Variants in GBE1 observed in about 807,000 individuals in gnomAD.
The protein encoded by GBE1 is 1,4-alpha-glucan-branching enzyme.
A neutral mutation model predicts 88.8 loss-of-function variants in GBE1; 70 were observed. The ratio of observed to expected loss-of-function variants is 0.79; its 90% CI spans 0.65 to 0.96. The LOEUF (loss-of-function observed/expected upper bound fraction) is 0.96. GBE1 is among the 40% of genes least tolerant of loss of function. The probability of loss-of-function intolerance (pLI) is 0.00; values close to 1 mark genes in which losing one functional copy is unlikely to be tolerated. For synonymous variants in GBE1, 284 were observed against 300.1 expected (o/e 0.95, Z 0.56); for missense variants, 872 against 871.0 (o/e 1.00, Z -0.01).
chr3:81,659,335 T>C (rs1704989436), intron 3 of GBE1, among the ~76,000 whole-genome samples: 2 of 151,784 alleles, frequency 1.3e-5, no homozygotes, highest in South Asian at 2.1e-4. Context: ...ATTCTTTTTT[T>C]ATTTTTTTTT....
At chr3:81,630,703 T>C (rs530194644) in intron 7 of GBE1, among the ~76,000 whole-genome samples, 2 of 152,234 alleles carry the variant, frequency 1.3e-5, no homozygotes, top group African/African-American at 4.8e-5. Flanking sequence ...CACACCAAAT[T>C]TCCAAAACGT....
chr3:81,653,654 T>C (rs935570766), intron 3 of GBE1, among the ~76,000 whole-genome samples: 3 of 152,198 alleles, frequency 2.0e-5, no homozygotes, highest in South Asian at 2.1e-4. Flanking sequence ...CTGAATAATG[T>C]ATAGTTGTTA....
At chr3:81,682,986 T>A (rs915859681) in intron 2 of GBE1, among the ~76,000 whole-genome samples, 3 of 152,046 alleles carry the variant, frequency 2.0e-5, no homozygotes, top group African/African-American at 7.2e-5. Context: ...AAGAATCACA[T>A]CACAAAAAAA....
chr3:81,609,601 T>C (rs978201012), intron 7 of GBE1, among the ~76,000 whole-genome samples: 1 of 152,188 alleles, frequency 6.6e-6, no homozygotes, highest in African/African-American at 2.4e-5. Flanking sequence ...TTGCTTTCTT[T>C]TGTTATTTTG....
At chr3:81,504,873 G>A (rs1702634126) in intron 14 of GBE1, among the ~76,000 whole-genome samples, 1 of 152,106 alleles carries the variant, frequency 6.6e-6, no homozygotes, top group Non-Finnish European at 1.5e-5. Context: ...ATATCATTCT[G>A]CACTAAACTC....
At chr3:81,540,137 C>T (rs115648597) in intron 12 of GBE1, among the ~76,000 whole-genome samples, 133 of 151,758 alleles carry the variant, frequency 8.8e-4, no homozygotes, top group African/African-American at 3.0e-3. Context: ...TAAATGCTAC[C>T]GAAAAATAAA....
intron 7 of GBE1, among the ~76,000 whole-genome samples, chr3:81,598,403 C>CT (rs1703987241): frequency 1.4e-4 from 1 of 7,334 alleles, no homozygotes. Context: ...GTATAGAATG[C>CT]CAAAAAAGTC....
chr3:81,714,809 G>C (rs1705919345), intron 1 of GBE1, among the ~76,000 whole-genome samples: 1 of 152,166 alleles, frequency 6.6e-6, no homozygotes, highest in African/African-American at 2.4e-5. Context: ...TCCAGCGTTT[G>C]GTGAGGGCAC....
At chr3:81,592,273 T>C (rs1185848352) in intron 8 of GBE1, among the ~76,000 whole-genome samples, 1 of 152,148 alleles carries the variant, frequency 6.6e-6, no homozygotes, top group Non-Finnish European at 1.5e-5. Context: ...GTGCGCCCTT[T>C]GACCAACATC....
chr3:81,499,973 T>C (rs906009225), intron 14 of GBE1, among the ~76,000 whole-genome samples: 1 of 152,198 alleles, frequency 6.6e-6, no homozygotes, highest in Non-Finnish European at 1.5e-5. Flanking sequence ...GAAATACAGA[T>C]AATTTAAGTG....
chr3:81,513,613 AAC>A (rs1702754739), intron 14 of GBE1, among the ~76,000 whole-genome samples: 1 of 151,680 alleles, frequency 6.6e-6, no homozygotes, highest in African/African-American at 2.4e-5. Flanking sequence ...GAAAAAAGAC[AAC>A]AGACAGGATT....
chr3:81,591,499 T>C lies in GBE1; in HGVS notation c.1109-335A>G, dbSNP rs1464373482. Among the ~76,000 whole-genome samples the C allele has an allele frequency of 3.9e-5, 6 of 152,196 alleles. 1 individual carries two copies. Among genetic ancestry groups the C allele is most frequent in the South Asian group, 4.1e-4 (2 of 4,832 alleles). On this transcript the variant is annotated intron_variant, in intron 8 of 15. Coordinates refer to ENST00000429644, the MANE Select transcript of GBE1 (RefSeq NM_000158.4). ...ATCAAATAATTGTCAATACATTTTC[T>C]GTCACATTAAGATGTTAATGTTAGT... is the stretch of plus-strand genomic sequence containing the variant.
At chr3:81,578,748 C>A (rs1410480021) in intron 11 of GBE1, among the ~76,000 whole-genome samples, 2 of 151,840 alleles carry the variant, frequency 1.3e-5, no homozygotes, top group Non-Finnish European at 2.9e-5. Context: ...AGCAGAGAGA[C>A]CTCCTAAAAA....
intron 1 of GBE1, among the ~76,000 whole-genome samples, chr3:81,758,856 T>TG (rs1706638394): frequency 1.3e-5 from 2 of 152,216 alleles, no homozygotes; most frequent in Non-Finnish European, 2.9e-5. Flanking sequence ...ATGGTTTGGT[T>TG]GTGTCCCCAC....
intron 10 of GBE1, among the ~76,000 whole-genome samples, chr3:81,582,047 C>T (rs986305020): frequency 1.3e-5 from 2 of 152,106 alleles, no homozygotes; most frequent in Non-Finnish European, 2.9e-5. Context: ...CCACTCCCGA[C>T]ATACTATAAA....
At chr3:81,567,999 G>C (rs1313690004) in intron 12 of GBE1, among the ~76,000 whole-genome samples, 1 of 152,120 alleles carries the variant, frequency 6.6e-6, no homozygotes, top group African/African-American at 2.4e-5. Context: ...AGTGACACTA[G>C]TCTCCTTTAA....
intron 1 of GBE1, among the ~76,000 whole-genome samples, chr3:81,709,804 G>T (rs1359157240): frequency 6.6e-6 from 1 of 152,060 alleles, no homozygotes; most frequent in Admixed American, 6.6e-5. Context: ...AATCATTGTG[G>T]CTCAAAAAGG....
chr3:81,712,043 A>G (rs1705875950), intron 1 of GBE1, among the ~76,000 whole-genome samples: 1 of 152,244 alleles, frequency 6.6e-6, no homozygotes, highest in African/African-American at 2.4e-5. Flanking sequence ...CAAAAGACAC[A>G]TGAAAAAATG....
chr3:81,687,440 A>T (rs1442405588), intron 2 of GBE1, among the ~76,000 whole-genome samples: 1 of 152,216 alleles, frequency 6.6e-6, no homozygotes, highest in Non-Finnish European at 1.5e-5. Context: ...TAAGAAAATG[A>T]TTGGGAAGTC....
Sources: allele counts gnomAD v4.1 joint callset (sites outside exome capture counted in the v4.1 genomes callset), GRCh38; gene constraint gnomAD v4.1.1; transcripts MANE v1.5; gene names NCBI Gene and HGNC (gene_info 2026-07-23, HGNC 2026-07-21).